DST: variants seen among roughly 807,000 people sequenced by gnomAD.
DST encodes dystonin.
DST carries 253 observed loss-of-function variants against 875.2 expected under a neutral mutation model. The ratio of observed to expected loss-of-function variants is 0.29; its 90% CI spans 0.26 to 0.32. DST has a LOEUF of 0.32. DST is among the 10% of genes least tolerant of loss of function. DST has a pLI of 1.00. For synonymous variants in DST, 3,124 were observed against 3,197.1 expected (o/e 0.98, Z 0.77); for missense variants, 8,287 against 9,111.6 (o/e 0.91, Z 3.68).
intron 4 of DST, among the ~76,000 whole-genome samples, chr6:56,813,334 T>A (rs2099762836): frequency 6.6e-6 from 1 of 150,998 alleles, no homozygotes; most frequent in Admixed American, 6.6e-5. Flanking sequence ...TGTACACATA[T>A]GTAACTAACC....
Position 56,609,311 on chromosome 6 carries a change from T to A in DST, c.5317A>T (p.Thr1773Ser). 1 of 1,612,384 alleles carries A rather than the reference T, an allele frequency of 6.2e-7. No individual in the cohort carries two copies. The highest frequency in any genetic ancestry group is 8.5e-7 in the Non-Finnish European group (1 of 1,179,214). ...DKVIAGTIDQTTGEVLSVFQA... is the reference protein window; with the variant it reads ...DKVIAGTIDQSTGEVLSVFQA... Reference sequence around the variant, plus strand: ...AAGACTGAAAGGACTTCTCCAGTTGTCTGATCAATGGTGCCTGCAATCACT... The same window carrying A: ...AAGACTGAAAGGACTTCTCCAGTTGACTGATCAATGGTGCCTGCAATCACT... The change falls in exon 40 of 104, where the codon ACA becomes TCA. Residue 1773 changes from threonine (T) to serine (S), a missense_variant. Thr to Ser is a moderately conservative substitution (Grantham distance 58). Around this residue, in one of 10 missense-constraint regions of DST, gnomAD observed 3,138 missense variants for 3,116.6 expected, o/e 1.01. Transcript: ENST00000680361.
intron 49 of DST, among the ~76,000 whole-genome samples, chr6:56,580,011 C>T (rs1009455904): frequency 3.3e-5 from 5 of 152,250 alleles, no homozygotes; most frequent in East Asian, 1.9e-4. Flanking sequence ...TTCCACCGTT[C>T]GGTCTGTTTG....
At chr6:56,761,292 A>C (rs1237936665) in intron 4 of DST, among the ~76,000 whole-genome samples, 3 of 152,198 alleles carry the variant, frequency 2.0e-5, no homozygotes, top group Non-Finnish European at 2.9e-5. Flanking sequence ...TTCGTGGCCC[A>C]CAGAGTTATT....
chr6:56,493,135 T>A, intron 83 of DST, 46 bp from the exon 84 acceptor site: 2 of 1,550,818 alleles, frequency 1.3e-6, no homozygotes, highest in Non-Finnish European at 1.7e-6. Flanking sequence ...GGGCCTTGGT[T>A]ATTTTGTTTG....
At position 56,458,267 on chromosome 6, in the gene DST, G is replaced by C. The variant is rs1375983389; in HGVS notation, c.*738C>G. 6.6e-6 allele frequency: 1 copy of C among 152,572 alleles called. No homozygotes were observed. Among genetic ancestry groups the C allele is most frequent in the Non-Finnish European group, 1.5e-5 (1 of 68,030 alleles). 9.5% of individuals were successfully genotyped at this position (152,572 alleles called of 1,614,324 possible). A position where few individuals can be genotyped will look rare whatever the true frequency, so the allele number is the denominator to read the frequency against. On this transcript the variant is annotated 3_prime_UTR_variant, in exon 104 of 104. Transcript: ENST00000680361. Reference sequence around the variant, plus strand: ...GTTAAGGGACGTGTTTTATTTCATAGCTTTCTGCAAGCAAAATTGCTCTGA... The same window carrying C: ...GTTAAGGGACGTGTTTTATTTCATACCTTTCTGCAAGCAAAATTGCTCTGA...
intron 61 of DST, 143 bp downstream of exon 61, chr6:56,552,041 A>ACC: frequency 1.1e-6 from 1 of 911,110 alleles, no homozygotes; most frequent in South Asian, 1.9e-5. Context: ...CCTGGGTGTT[A>ACC]CCCCCATATA....
intron 100 of DST, 111 bp downstream of exon 100, chr6:56,464,574 C>A: frequency 1.3e-6 from 1 of 776,312 alleles, no homozygotes; most frequent in Non-Finnish European, 2.1e-6. Context: ...ATGAGTTAAG[C>A]CATACGCGAT....
intron 3 of DST, among the ~76,000 whole-genome samples, chr6:56,886,574 G>A (rs775431843): frequency 1.3e-5 from 2 of 152,074 alleles, no homozygotes; most frequent in Non-Finnish European, 2.9e-5. Flanking sequence ...TTAGGAGTTC[G>A]AGACCACCCT....
rs60577627 is a variant in DST at position 56,605,673 on chromosome 6, A to C, written c.8955T>G (p.Asn2985Lys). 5,330 of 1,612,924 alleles carry C rather than the reference A, an allele frequency of 3.3e-3. 159 individuals are homozygous for C. In the African/African-American group the frequency reaches 0.061, roughly 18 times the overall value. Residue 2985 changes from asparagine to lysine, a missense_variant, in exon 40 of 104, where the codon AAT (asparagine) becomes AAG (lysine). Asn to Lys is a moderately conservative substitution (Grantham distance 94). Coordinates refer to ENST00000680361, the MANE Select transcript of DST (RefSeq NM_001374736.1). ...GAGATGAGTCAACTTTTGGTGTCATATTCTTAAAATATTCATCTTTACCTT... is the reference window on the plus strand; with the variant it reads ...GAGATGAGTCAACTTTTGGTGTCATCTTCTTAAAATATTCATCTTTACCTT... ...SVKGKDEYFK[N>K]MTPKVDSSLD... is the part of the protein sequence containing the mutation.
chr6:56,766,642 C>T (rs532994624), intron 4 of DST, among the ~76,000 whole-genome samples: 1 of 151,996 alleles, frequency 6.6e-6, no homozygotes, highest in East Asian at 1.9e-4. Context: ...GCAATTCTCC[C>T]GCTTCAGCTT....
At chr6:56,675,765 C>T (rs1271572435) in intron 9 of DST, among the ~76,000 whole-genome samples, 1 of 151,898 alleles carries the variant, frequency 6.6e-6, no homozygotes, top group Non-Finnish European at 1.5e-5. Context: ...GGTAGGGGAA[C>T]CACTTGAACC....
chr6:56,743,638 CAT>C (rs1454411976), intron 4 of DST, among the ~76,000 whole-genome samples: 1 of 152,058 alleles, frequency 6.6e-6, no homozygotes, highest in African/African-American at 2.4e-5. Context: ...TACACACACA[CAT>C]ATATAACACA....
Position 56,498,179 on chromosome 6 carries a change from AATT to A in DST, c.19897-129_19897-127del, listed in dbSNP as rs1160166262. On this transcript the variant is annotated intron_variant, in intron 80 of 103. Coordinates refer to ENST00000680361, the MANE Select transcript of DST (RefSeq NM_001374736.1). ...AAAAACGTTATATGTGTAGAATTTT[AATT>A]TTTTTTAAAGAGATGGGGTCTTACT... The A allele has an allele frequency of 6.3e-6, 6 of 947,274 alleles. No individual in the cohort carries two copies. The African/African-American group carries it at 1.0e-4, about 16-fold the overall frequency. 58.7% of individuals were successfully genotyped at this position (947,274 alleles called of 1,614,324 possible). A position where few individuals can be genotyped will look rare whatever the true frequency, so the allele number is the denominator to read the frequency against.
intron 9 of DST, chr6:56,692,588 T>C (rs767857172): frequency 7.8e-7 from 1 of 1,289,798 alleles, no homozygotes; most frequent in Non-Finnish European, 1.0e-6. Context: ...CCCGAGGGAA[T>C]AGAGCTTAAG....
intron 36 of DST, among the ~76,000 whole-genome samples, chr6:56,622,832 G>A (rs931551235): frequency 2.0e-5 from 3 of 152,028 alleles, no homozygotes; most frequent in African/African-American, 7.3e-5. Context: ...ATCTATTACA[G>A]ATATTTTAGT....
intron 36 of DST, chr6:56,615,053 T>G (rs1327385855): frequency 1.0e-6 from 1 of 1,003,588 alleles, no homozygotes. Flanking sequence ...TTTTCATTTT[T>G]TGAAGCAATC....
At chr6:56,812,111 AAAGAAAAGAAAAGAAAAG>A (rs2099760959) in intron 4 of DST, among the ~76,000 whole-genome samples, 2 of 100,878 alleles carry the variant, frequency 2.0e-5, no homozygotes, top group African/African-American at 8.1e-5. Flanking sequence ...CAAAAAAAAA[AAAGAAAAGAAAAGAAAAG>A]AAAAGAAAAG....
At chr6:56,709,478 C>T (rs77758349) in intron 5 of DST, among the ~76,000 whole-genome samples, 2,296 of 152,248 alleles carry the variant, frequency 0.015, 57 homozygotes, top group African/African-American at 0.052. Context: ...AAAAGAGAAT[C>T]ATTATATAAC....
chr6:56,804,445 T>A (rs971263234), intron 4 of DST, among the ~76,000 whole-genome samples: 5 of 152,192 alleles, frequency 3.3e-5, no homozygotes, highest in African/African-American at 1.2e-4. Flanking sequence ...TATATACTGA[T>A]TTAAAGAGAA....
Sources: gnomAD v4.1 joint callset for allele counts (sites outside exome capture counted in the v4.1 genomes callset) on GRCh38, gnomAD v4.1.1 for gene constraint, gnomAD v4.1.1 regional missense constraint, MANE v1.5 for transcripts, NCBI Gene and HGNC (gene_info 2026-07-23, HGNC 2026-07-21) for gene names.